Variants in MGST3 observed in about 807,000 individuals in gnomAD.
The protein encoded by MGST3 is microsomal glutathione S-transferase 3.
A neutral mutation model predicts 15.8 loss-of-function variants in MGST3; 13 were observed. That is an observed-to-expected ratio of 0.82 (90% CI 0.54 to 1.31). The LOEUF (loss-of-function observed/expected upper bound fraction) is 1.31, where lower values mean the gene tolerates loss of function less well. Ranked by LOEUF, MGST3 falls within the 50% of genes most tolerant of loss-of-function variation. The pLI is 0.00. For missense variants in MGST3, 155 were observed against 192.4 expected (o/e 0.81, Z 1.15); for synonymous variants, 49 against 68.1 (o/e 0.72, Z 1.38).
In MGST3 at chr1:165,637,989, C is replaced by T. The variant is rs75124285; in HGVS notation, c.-8+6696C>T. 9.8e-3 allele frequency among the ~76,000 whole-genome samples: 1,492 copies of T among 152,272 alleles called. 52 individuals are homozygous for T. Among genetic ancestry groups the T allele is most frequent in the Admixed American group, 0.059 (904 of 15,288 alleles). On this transcript the variant is annotated intron_variant, in intron 1 of 5. Coordinates refer to ENST00000367889, the MANE Select transcript of MGST3 (RefSeq NM_004528.4). ...CTGCTGCTTACCAGGGCATGTTAGT[C>T]TCCTAATCTACCCCTGAAAACCTAC...
At chr1:165,632,302 C>T in intron 1 of MGST3, 9 of 1,607,820 alleles carry the variant, frequency 5.6e-6, no homozygotes, top group Non-Finnish European at 7.6e-6. Flanking sequence ...TAGGTGTGGT[C>T]CTGCGGAATT....
chr1:165,643,145 A>G (rs572344412), intron 1 of MGST3, among the ~76,000 whole-genome samples: 3 of 151,788 alleles, frequency 2.0e-5, no homozygotes, highest in South Asian at 4.2e-4. Flanking sequence ...ATATACTTTT[A>G]TTTTCTTTTT....
At chr1:165,650,304 G>T in intron 2 of MGST3, 3 of 342,164 alleles carry the variant, frequency 8.8e-6, no homozygotes, top group South Asian at 2.6e-5. Context: ...GTTTCATGGT[G>T]TGCCACTTTA....
At chr1:165,653,962 A>G (rs1346703705) in intron 4 of MGST3, 1 of 382,824 alleles carries the variant, frequency 2.6e-6, no homozygotes, top group East Asian at 7.1e-5. Context: ...GCTGGCCCAC[A>G]TGTCCTTCTC....
intron 4 of MGST3, among the ~76,000 whole-genome samples, chr1:165,652,277 A>G (rs1290380710): frequency 2.0e-5 from 3 of 152,242 alleles, no homozygotes; most frequent in Non-Finnish European, 4.4e-5. Context: ...AAATAGCTAC[A>G]GAGTAGAAGG....
intron 1 of MGST3, chr1:165,631,987 C>CA: frequency 2.3e-6 from 1 of 433,098 alleles, no homozygotes; most frequent in Non-Finnish European, 4.2e-6. Context: ...TGTGGGGTGG[C>CA]AGCACGGAGC....
At chr1:165,648,875 T>G (rs1648479336) in intron 1 of MGST3, 1 of 152,222 alleles carries the variant, frequency 6.6e-6, no homozygotes, top group African/African-American at 2.4e-5. Context: ...TTTTAGACCT[T>G]GGAAACATTA....
At chr1:165,642,014 G>T (rs547207153) in intron 1 of MGST3, among the ~76,000 whole-genome samples, 1 of 151,922 alleles carries the variant, frequency 6.6e-6, no homozygotes, top group East Asian at 1.9e-4. Context: ...TGCTAATAAG[G>T]AAAGTAAGAA....
intron 1 of MGST3, chr1:165,632,359 T>C (rs1040431684): frequency 2.3e-5 from 33 of 1,458,630 alleles, no homozygotes; most frequent in Non-Finnish European, 3.1e-5. Flanking sequence ...AGCGCTTCTC[T>C]TGGGAAATCT....
At position 165,651,041 on chromosome 1, in the gene MGST3, G is replaced by C; in HGVS notation, c.145G>C (p.Glu49Gln). The C allele has an allele frequency of 1.9e-6, 3 of 1,614,212 alleles. No individual in the cohort carries two copies. Among genetic ancestry groups the C allele is most frequent in the Non-Finnish European group, 1.7e-6 (2 of 1,180,032 alleles). ...TCCTATCATGTACAGCACGGACCCTGAAAATGGGCACATCTTCAACTGCAT... is the reference window on the plus strand; with the variant it reads ...TCCTATCATGTACAGCACGGACCCTCAAAATGGGCACATCTTCAACTGCAT... ...EYPIMYSTDPENGHIFNCIQR... is the reference protein window; with the variant it reads ...EYPIMYSTDPQNGHIFNCIQR... Residue 49 changes from glutamate (E) to glutamine (Q), a missense_variant, in exon 3 of 6, where the codon GAA becomes CAA. Glu to Gln is a conservative substitution (Grantham distance 29). Transcript: ENST00000367889.
chr1:165,649,823 G>T lies in MGST3; in HGVS notation c.-7-18G>T. 5.6e-6 allele frequency: 9 copies of T among 1,613,762 alleles called. No homozygotes were observed. The highest frequency in any genetic ancestry group is 7.6e-6 in the Non-Finnish European group (9 of 1,179,966). ...CCACAGTGCTGGGGGCCGTCCCAACGTGTTCTTTCTTCCACAGACGCAAGA... is the reference window on the plus strand; with the variant it reads ...CCACAGTGCTGGGGGCCGTCCCAACTTGTTCTTTCTTCCACAGACGCAAGA... On this transcript the variant is annotated intron_variant, in intron 1 of 5. Coordinates refer to ENST00000367889, the MANE Select transcript of MGST3 (RefSeq NM_004528.4).
At chr1:165,648,222 C>T (rs1042686792) in intron 1 of MGST3, among the ~76,000 whole-genome samples, 1 of 152,260 alleles carries the variant, frequency 6.6e-6, no homozygotes, top group Non-Finnish European at 1.5e-5. Flanking sequence ...ACCTGTGGAA[C>T]CAGCCCGCTG....
intron 1 of MGST3, among the ~76,000 whole-genome samples, chr1:165,642,753 G>A (rs1648293653): frequency 6.6e-6 from 1 of 152,294 alleles, no homozygotes. Context: ...GTGCTGAAAG[G>A]TGTTAAGTAA....
At chr1:165,632,397 G>A in intron 1 of MGST3, 1 of 947,948 alleles carries the variant, frequency 1.1e-6, no homozygotes. Context: ...AGCAGTTCTG[G>A]GAGGCACCCC....
At position 165,646,302 on chromosome 1, in the gene MGST3, G is replaced by C. The variant is rs574360173; in HGVS notation, c.-7-3539G>C. ...ACAAAAGTCACTCTCTAAGGAGTGG[G>C]AATATCTATCTCTTCGCCTTGGAAT... On this transcript the variant is annotated intron_variant, in intron 1 of 5. Coordinates refer to ENST00000367889, the MANE Select transcript of MGST3 (RefSeq NM_004528.4). 12 of 152,332 alleles carry C rather than the reference G, an allele frequency of 7.9e-5. No homozygotes were observed. The South Asian group carries it at 2.5e-3, about 32-fold the overall frequency. The allele number at this position is 152,332 out of a possible 1,614,324, so 9.4% of individuals were successfully genotyped here. A position where few individuals can be genotyped will look rare whatever the true frequency, so the allele number is the denominator to read the frequency against.
intron 2 of MGST3, 165 bp from the exon 3 acceptor site, chr1:165,650,849 A>C: frequency 1.5e-6 from 1 of 669,488 alleles, no homozygotes; most frequent in Non-Finnish European, 2.7e-6. Context: ...GCTTCTGAGA[A>C]TTGAGACCCT....
chr1:165,644,615 T>A (rs1648345499), intron 1 of MGST3, among the ~76,000 whole-genome samples: 1 of 152,250 alleles, frequency 6.6e-6, no homozygotes, highest in Non-Finnish European at 1.5e-5. Context: ...CATTTTTTAA[T>A]ATTTTATCTT....
At chr1:165,641,500 A>G (rs1648264840) in intron 1 of MGST3, among the ~76,000 whole-genome samples, 1 of 152,218 alleles carries the variant, frequency 6.6e-6, no homozygotes, top group African/African-American at 2.4e-5. Context: ...AGAGCATACA[A>G]CTGATTTGTA....
intron 1 of MGST3, among the ~76,000 whole-genome samples, chr1:165,642,092 T>C (rs1403555888): frequency 6.6e-6 from 1 of 152,244 alleles, no homozygotes; most frequent in Non-Finnish European, 1.5e-5. Flanking sequence ...TATTGTGTTA[T>C]ACCTAGTTTG....
Sources: allele counts gnomAD v4.1 joint callset (sites outside exome capture counted in the v4.1 genomes callset), GRCh38; gene constraint gnomAD v4.1.1; transcripts MANE v1.5; gene names NCBI Gene and HGNC (gene_info 2026-07-23, HGNC 2026-07-21).